The following GABRG3 variants were observed in gnomAD, a reference collection of about 807,000 sequenced individuals.
The protein encoded by GABRG3 is gamma-aminobutyric acid type A receptor subunit gamma3, also known as gamma-aminobutyric acid receptor subunit gamma-3.
GABRG3 carries 25 observed loss-of-function variants against 48.8 expected under a neutral mutation model. That is an observed-to-expected ratio of 0.51 (90% CI 0.37 to 0.72). GABRG3 has a LOEUF of 0.72. GABRG3 is among the 30% of genes least tolerant of loss of function. GABRG3 has a pLI of 0.00. For missense variants in GABRG3, 394 were observed against 577.9 expected (o/e 0.68, Z 3.26); for synonymous variants, 227 against 217.6 (o/e 1.04, Z -0.38).
chr15:27,249,925 G>T (rs1036696866), intron 3 of GABRG3, among the ~76,000 whole-genome samples: 2 of 152,134 alleles, frequency 1.3e-5, no homozygotes, highest in African/African-American at 4.8e-5. Flanking sequence ...GTGTGCAGGG[G>T]CAGGAAAGAG....
intron 5 of GABRG3, among the ~76,000 whole-genome samples, chr15:27,343,544 G>A (rs766959237): frequency 1.3e-5 from 2 of 152,174 alleles, no homozygotes; most frequent in African/African-American, 4.8e-5. Context: ...TGAATGCTTC[G>A]ATCACAGTAG....
intron 3 of GABRG3, among the ~76,000 whole-genome samples, chr15:27,123,165 G>A (rs1304193686): frequency 3.3e-5 from 5 of 152,188 alleles, no homozygotes; most frequent in Non-Finnish European, 7.3e-5. Flanking sequence ...GTTGGAATAT[G>A]CTGATGGGTA....
chr15:27,099,602 C>A (rs528551119), intron 3 of GABRG3, among the ~76,000 whole-genome samples: 1 of 151,984 alleles, frequency 6.6e-6, no homozygotes, highest in African/African-American at 2.4e-5. Context: ...CTTTAACATT[C>A]GAATTTTGGA....
intron 5 of GABRG3, among the ~76,000 whole-genome samples, chr15:27,351,998 GTA>G (rs1445041753): frequency 1.3e-5 from 2 of 150,244 alleles, no homozygotes; most frequent in Non-Finnish European, 3.0e-5. Context: ...GTGTGTGTGT[GTA>G]TATATGATGT....
intron 5 of GABRG3, among the ~76,000 whole-genome samples, chr15:27,478,013 CCA>C (rs1167427540): frequency 2.7e-5 from 4 of 150,794 alleles, no homozygotes; most frequent in East Asian, 2.0e-4. Context: ...CCACTGCACT[CCA>C]CAGCCTGGGT....
At chr15:26,973,972 A>G (rs975352873) in intron 1 of GABRG3, among the ~76,000 whole-genome samples, 1 of 152,212 alleles carries the variant, frequency 6.6e-6, no homozygotes, top group Non-Finnish European at 1.5e-5. Flanking sequence ...GAATATTTCT[A>G]TATTATCCAC....
At chr15:27,396,739 C>A (rs550680956) in intron 5 of GABRG3, among the ~76,000 whole-genome samples, 1 of 152,282 alleles carries the variant, frequency 6.6e-6, no homozygotes, top group South Asian at 2.1e-4. Context: ...TCCAGACTTC[C>A]TTCAACTGAT....
chr15:27,172,429 C>T (rs910692568), intron 3 of GABRG3, among the ~76,000 whole-genome samples: 2 of 152,234 alleles, frequency 1.3e-5, no homozygotes, highest in Admixed American at 6.5e-5. Flanking sequence ...CCCCAACTCC[C>T]GCCACCACCC....
At chr15:27,392,405 A>T (rs1417762263) in intron 5 of GABRG3, among the ~76,000 whole-genome samples, 1 of 152,116 alleles carries the variant, frequency 6.6e-6, no homozygotes, top group Non-Finnish European at 1.5e-5. Flanking sequence ...ATGCACCTCA[A>T]TTGGGAATTG....
chr15:27,097,228 G>A (rs1468355825), intron 3 of GABRG3, among the ~76,000 whole-genome samples: 1 of 151,966 alleles, frequency 6.6e-6, no homozygotes, highest in Non-Finnish European at 1.5e-5. Flanking sequence ...ATGCTGGCCC[G>A]CTGCTGGGCA....
At position 26,976,599 on chromosome 15, in the gene GABRG3, T is replaced by C. The variant is rs1228781284; in HGVS notation, c.54-403T>C. 2.6e-5 allele frequency among the ~76,000 whole-genome samples: 4 copies of C among 152,102 alleles called. No homozygotes were observed. The highest frequency in any genetic ancestry group is 9.7e-5 in the African/African-American group (4 of 41,424). On this transcript the variant is annotated intron_variant, in intron 1 of 9. Coordinates refer to ENST00000615808, the MANE Select transcript of GABRG3 (RefSeq NM_033223.5). The surrounding 1 kb of genome is among the most constrained non-coding windows in gnomAD (Gnocchi z 7.8). The stretch of plus-strand genomic sequence containing the variant: ...GAAAATGAGGTCTTGGTGGTCAGGG[T>C]GGAAACACCACGATGCAGTCACCAT...
At chr15:27,451,381 T>G (rs1225420228) in intron 5 of GABRG3, among the ~76,000 whole-genome samples, 1 of 152,004 alleles carries the variant, frequency 6.6e-6, no homozygotes, top group Non-Finnish European at 1.5e-5. Flanking sequence ...AGAAATAAAT[T>G]TATGCATTTC....
At chr15:27,042,981 TG>T (rs1896303931) in intron 3 of GABRG3, among the ~76,000 whole-genome samples, 1 of 152,248 alleles carries the variant, frequency 6.6e-6, no homozygotes, top group African/African-American at 2.4e-5. Flanking sequence ...GTGGGGGCCT[TG>T]TATCCCTTTC....
At chr15:27,049,222 G>A (rs1420576562) in intron 3 of GABRG3, among the ~76,000 whole-genome samples, 1 of 152,208 alleles carries the variant, frequency 6.6e-6, no homozygotes, top group Non-Finnish European at 1.5e-5. Context: ...TTTGTGCTGG[G>A]CCCCACAAAT....
At chr15:27,458,447 G>T (rs1466007327) in intron 5 of GABRG3, among the ~76,000 whole-genome samples, 2 of 152,154 alleles carry the variant, frequency 1.3e-5, no homozygotes, top group African/African-American at 4.8e-5. Context: ...TACAGCCTTG[G>T]TTACTGGGAA....
At chr15:27,130,024 A>T (rs1035533318) in intron 3 of GABRG3, among the ~76,000 whole-genome samples, 1 of 152,054 alleles carries the variant, frequency 6.6e-6, no homozygotes, top group Admixed American at 6.5e-5. Context: ...CACTTTGTTG[A>T]TAGGGACTTT....
chr15:27,332,468 A>G (rs985682075), intron 5 of GABRG3, among the ~76,000 whole-genome samples: 1 of 152,152 alleles, frequency 6.6e-6, no homozygotes, highest in Non-Finnish European at 1.5e-5. Flanking sequence ...CGGGAGGCAG[A>G]GGTTGCAGTG....
intron 3 of GABRG3, among the ~76,000 whole-genome samples, chr15:27,207,384 C>T (rs1435871804): frequency 6.6e-6 from 1 of 152,224 alleles, no homozygotes; most frequent in Non-Finnish European, 1.5e-5. Context: ...AAGGGAAATA[C>T]TCCAAAGCAG....
At chr15:27,265,443 T>G (rs1890887871) in intron 3 of GABRG3, among the ~76,000 whole-genome samples, 1 of 152,168 alleles carries the variant, frequency 6.6e-6, no homozygotes, top group Non-Finnish European at 1.5e-5. Flanking sequence ...AAATACTCAT[T>G]TTTCCTTAAA....
Sources: allele counts gnomAD v4.1 joint callset (sites outside exome capture counted in the v4.1 genomes callset), GRCh38; gene constraint gnomAD v4.1.1; non-coding constraint Gnocchi (gnomAD v3.1); transcripts MANE v1.5; gene names NCBI Gene and HGNC (gene_info 2026-07-23, HGNC 2026-07-21).